ABCC8: variants seen among roughly 807,000 people sequenced by gnomAD.
ABCC8 encodes ATP binding cassette subfamily C member 8, also known as ATP-binding cassette sub-family C member 8.
In ABCC8, 137 loss-of-function variants were observed where a neutral mutation model predicts 188.0. That is an observed-to-expected ratio of 0.73 (90% CI 0.63 to 0.84). The LOEUF is 0.84. Ranked by LOEUF, ABCC8 falls within the 40% of genes least tolerant of loss-of-function variation. The pLI, the probability that ABCC8 is intolerant of heterozygous loss-of-function variation, is 0.00. For missense variants in ABCC8, 1,750 were observed against 2,072.7 expected, an observed-to-expected ratio of 0.84 and a Z score of 3.02; for synonymous variants, 797 against 846.5, an observed-to-expected ratio of 0.94 and a Z score of 1.01.
At chr11:17,421,477 G>A (rs531663350) in intron 16 of ABCC8, among the ~76,000 whole-genome samples, 19 of 152,160 alleles carry the variant, frequency 1.2e-4, no homozygotes, top group South Asian at 4.2e-4. Flanking sequence ...AAGTGAATTC[G>A]TTTAGCAAAA....
chr11:17,457,113 C>G (rs1339916537), intron 6 of ABCC8, among the ~76,000 whole-genome samples: 1 of 152,204 alleles, frequency 6.6e-6, no homozygotes, highest in African/African-American at 2.4e-5. Flanking sequence ...AAGGCAGGTA[C>G]TCTAGGCCAG....
rs768706912 is a variant in ABCC8 at position 17,398,409 on chromosome 11, TC to T, written c.3682del (p.Glu1228AsnfsTer37). 6.2e-7 allele frequency: 1 copy of T among 1,614,004 alleles called. No individual in the cohort carries two copies. Among genetic ancestry groups the T allele is most frequent in the Non-Finnish European group, 8.5e-7 (1 of 1,179,990 alleles). The part of the protein sequence containing the change: ...YEARFQQKLL[E>X]YTDSNNIASL... ...AGCAATGTTGTTGGAGTCTGTGTAT[TC>T]GAGAAGCTTCTGCTGGAACCGGGCC... On this transcript the variant is annotated frameshift_variant, in exon 30 of 39. Transcript: ENST00000389817. LOFTEE classifies it high-confidence loss of function.
chr11:17,437,443 T>C (rs1956150108), intron 10 of ABCC8, among the ~76,000 whole-genome samples: 2 of 152,390 alleles, frequency 1.3e-5, no homozygotes, highest in South Asian at 4.1e-4. Flanking sequence ...TTTGTACCTC[T>C]GATTAACTTC....
chr11:17,449,759 G>T (rs2133622255), intron 7 of ABCC8, among the ~76,000 whole-genome samples: 1 of 152,280 alleles, frequency 6.6e-6, no homozygotes, highest in South Asian at 2.1e-4. Context: ...TGTAAACCCA[G>T]GCTTTTTTGT....
chr11:17,416,424 C>A (rs979672634), intron 17 of ABCC8, among the ~76,000 whole-genome samples: 3 of 152,198 alleles, frequency 2.0e-5, no homozygotes, highest in African/African-American at 7.2e-5. Flanking sequence ...TCCATGATCA[C>A]CCCTAGAGCC....
chr11:17,476,769 A>C lies in ABCC8; in HGVS notation c.8T>G (p.Leu3Arg). Reference sequence around the variant, plus strand: ...GTGGTTCTCGCTGCCGCAGAAGGCCAGGGGCATGGCGGCGCGGGCGCGGGC... The same window carrying C: ...GTGGTTCTCGCTGCCGCAGAAGGCCCGGGGCATGGCGGCGCGGGCGCGGGC... MP[L>R]AFCGSENHSA... Residue 3 changes from leucine (L) to arginine (R), a missense_variant, in exon 1 of 39, where the codon CTG becomes CGG. Leu to Arg is a moderately radical substitution (Grantham distance 102). Transcript: ENST00000389817. 1 of 1,573,774 alleles carries C rather than the reference A, an allele frequency of 6.4e-7. No homozygotes were observed.
intron 11 of ABCC8, among the ~76,000 whole-genome samples, chr11:17,431,845 G>A (rs1955861784): frequency 6.6e-6 from 1 of 152,230 alleles, no homozygotes; most frequent in Admixed American, 6.5e-5. Context: ...AATGTTACCA[G>A]TGGGATTATG....
intron 3 of ABCC8, among the ~76,000 whole-genome samples, chr11:17,467,891 C>A (rs187446502): frequency 6.6e-6 from 1 of 152,236 alleles, no homozygotes; most frequent in Non-Finnish European, 1.5e-5. Context: ...AAGGACAAAT[C>A]CATCCACGGG....
intron 6 of ABCC8, among the ~76,000 whole-genome samples, chr11:17,454,445 G>A (rs751510544): frequency 6.6e-6 from 1 of 152,180 alleles, no homozygotes; most frequent in Non-Finnish European, 1.5e-5. Context: ...GACCACTGAG[G>A]GATGCGTGCA....
At position 17,448,504 on chromosome 11, in the gene ABCC8, C is replaced by T. The variant is rs2133616677; in HGVS notation, c.1332+12G>A. 1 of 1,613,234 alleles carries T rather than the reference C, an allele frequency of 6.2e-7. No homozygotes were observed. The highest frequency in any genetic ancestry group is 8.5e-7 in the Non-Finnish European group (1 of 1,179,260). On this transcript the variant is annotated intron_variant, in intron 8 of 38. Coordinates refer to ENST00000389817, the MANE Select transcript of ABCC8 (RefSeq NM_000352.6). ...TGCTGCCCCCCTCCCTTCCCCTCAG[C>T]CCATCTAGTACCTGTACTGGCATAG...
At chr11:17,417,360 T>G (rs1365233998) in intron 16 of ABCC8, among the ~76,000 whole-genome samples, 1 of 152,106 alleles carries the variant, frequency 6.6e-6, no homozygotes, top group Non-Finnish European at 1.5e-5. Context: ...AGGCGGCAAG[T>G]GCATTTGAGG....
chr11:17,475,115 G>A, intron 1 of ABCC8, 88 bp from the exon 2 acceptor site: 2 of 1,571,352 alleles, frequency 1.3e-6, no homozygotes, highest in Admixed American at 3.7e-5. Flanking sequence ...CTTGGGCATT[G>A]GGTCCATGGT....
intron 10 of ABCC8, among the ~76,000 whole-genome samples, chr11:17,436,491 G>A (rs1458560053): frequency 2.0e-5 from 3 of 152,156 alleles, no homozygotes; most frequent in African/African-American, 7.2e-5. Context: ...GCCAAGAATA[G>A]ATTTCTGTCC....
Position 17,406,939 on chromosome 11 carries a change from G to A in ABCC8, c.3111C>T (p.Thr1037=), listed in dbSNP as rs201662945. The change falls in exon 25 of 39, where the codon ACC becomes ACT. Residue 1037 remains threonine, a synonymous_variant. Transcript: ENST00000389817. ...CAGGGGTCAGGGTCAGGGCGCTGTC[G>A]GTCCACTTGGCCAGCCAGTAGTCGA... ...VAIDYWLAKW[T]DSALTLTPAA... is the part of the protein sequence containing the mutation. 63 of 1,614,104 alleles carry A rather than the reference G, an allele frequency of 3.9e-5. No individual in the cohort carries two copies. In the African/African-American group the frequency reaches 4.5e-4, roughly 12 times the overall value.
chr11:17,393,319 C>T lies in ABCC8; in HGVS notation c.4609-191G>A, dbSNP rs1338992616. Reference sequence around the variant, plus strand: ...AAGCTCTCCATCTGCTAATACCACCCTTCTCTCCTCTCCAAGTCCCAACTC... The same window carrying T: ...AAGCTCTCCATCTGCTAATACCACCTTTCTCTCCTCTCCAAGTCCCAACTC... On this transcript the variant is annotated intron_variant, in intron 38 of 38. Transcript: ENST00000389817. 40 of 777,020 alleles carry T rather than the reference C, an allele frequency of 5.1e-5. No individual in the cohort carries two copies. The East Asian group carries it at 1.1e-3, about 21-fold the overall frequency. The allele number at this position is 777,020 out of a possible 1,614,324, so 48.1% of individuals were successfully genotyped here. A position where few individuals can be genotyped will look rare whatever the true frequency, so the allele number is the denominator to read the frequency against.
At chr11:17,438,816 G>A (rs73425041) in intron 10 of ABCC8, among the ~76,000 whole-genome samples, 2,004 of 152,240 alleles carry the variant, frequency 0.013, 44 homozygotes, top group African/African-American at 0.046. Context: ...TCTGTGCTTC[G>A]CCTTTTGCTG....
At chr11:17,464,455 A>G in intron 3 of ABCC8, among the ~76,000 whole-genome samples, 1 of 152,220 alleles carries the variant, frequency 6.6e-6, no homozygotes, top group East Asian at 1.9e-4. Flanking sequence ...TAGCTGTGTG[A>G]CCTTGGATTA....
At chr11:17,433,196 C>G (rs565362779) in intron 10 of ABCC8, among the ~76,000 whole-genome samples, 2 of 152,198 alleles carry the variant, frequency 1.3e-5, no homozygotes, top group African/African-American at 2.4e-5. Flanking sequence ...GAGCAGCCCC[C>G]CCATGGCATA....
chr11:17,393,368 C>T (rs908483486), intron 38 of ABCC8, among the ~76,000 whole-genome samples: 1 of 152,206 alleles, frequency 6.6e-6, no homozygotes, highest in Admixed American at 6.5e-5. Flanking sequence ...GGCTTCAAGG[C>T]TCAGAGACCC....
Sources: gnomAD v4.1 joint callset for allele counts (sites outside exome capture counted in the v4.1 genomes callset) on GRCh38, gnomAD v4.1.1 for gene constraint, MANE v1.5 for transcripts, NCBI Gene and HGNC (gene_info 2026-07-23, HGNC 2026-07-21) for gene names.